The following OCIAD1 variants were observed in gnomAD, a reference collection of about 807,000 sequenced individuals.
OCIAD1 encodes the protein OCIA domain containing 1.
Under a neutral mutation model 38.9 loss-of-function variants are expected in OCIAD1, and 29 were observed. The ratio of observed to expected loss-of-function variants is 0.74; its 90% CI spans 0.55 to 1.02. The LOEUF (loss-of-function observed/expected upper bound fraction) is 1.02, where lower values mean the gene tolerates loss of function less well. Among genes scored for constraint, OCIAD1 ranks in the 50% least tolerant of loss-of-function variants. The pLI, the probability that OCIAD1 is intolerant of heterozygous loss-of-function variation, is 0.00. For synonymous variants in OCIAD1, 110 were observed against 92.0 expected (o/e 1.20, Z -1.12); for missense variants, 288 against 289.6 (o/e 0.99, Z 0.04).
chr4:48,845,330 CA>C (rs1183385738), intron 4 of OCIAD1, among the ~76,000 whole-genome samples: 1 of 152,162 alleles, frequency 6.6e-6, no homozygotes, highest in East Asian at 1.9e-4. Context: ...AGTTCAAAAA[CA>C]AACTTTTCAA....
upstream of OCIAD1, among the ~76,000 whole-genome samples, chr4:48,829,419 T>C (rs1031505648): frequency 2.0e-5 from 3 of 152,238 alleles, no homozygotes; most frequent in Non-Finnish European, 4.4e-5. Context: ...TTAAGAAATA[T>C]TTGTTGGCTT....
At chr4:48,814,324 C>CA (rs781040679) in intron 1 of OCIAD1, among the ~76,000 whole-genome samples, 1 of 129,958 alleles carries the variant, frequency 7.7e-6, no homozygotes, top group Non-Finnish European at 1.7e-5. Flanking sequence ...TTCAGAAAGC[C>CA]TTTTTTTTTT....
At chr4:48,855,620 C>A (rs536772753) in intron 7 of OCIAD1, among the ~76,000 whole-genome samples, 1 of 152,042 alleles carries the variant, frequency 6.6e-6, no homozygotes, top group Non-Finnish European at 1.5e-5. Context: ...AGTTCAAGAC[C>A]AGCCTGACCA....
rs1002913310 is a variant in OCIAD1, at chr4:48,857,790, G to A, written c.700+425G>A. 3.3e-5 allele frequency among the ~76,000 whole-genome samples: 5 copies of A among 152,288 alleles called. No homozygotes were observed. The South Asian group carries it at 8.3e-4, about 25-fold the overall frequency. On this transcript the variant is annotated intron_variant, in intron 8 of 8. Transcript: ENST00000264312. ...AGTCTCTGAGAGTGCTAGGATTACA[G>A]GCTTGAGCCACCGTGTCCGGCCAGT...
chr4:48,825,675 G>A (rs1245889255), intron 1 of OCIAD1, among the ~76,000 whole-genome samples: 6 of 152,078 alleles, frequency 3.9e-5, no homozygotes, highest in Non-Finnish European at 8.8e-5. Flanking sequence ...ATAGCTTGTG[G>A]CATACCTATA....
chr4:48,806,521 A>C (rs1777026387), intron 1 of OCIAD1, among the ~76,000 whole-genome samples: 1 of 152,210 alleles, frequency 6.6e-6, no homozygotes, highest in Non-Finnish European at 1.5e-5. Context: ...AAATTAGACC[A>C]CAGATACACA....
chr4:48,831,126 C>T lies in OCIAD1; in HGVS notation c.-129C>T, dbSNP rs1777441152. Reference sequence around the variant, plus strand: ...GATGACTTCTTGCGGCTGTTCTACCCCTCCCCCTCCCCGCGGTACCTTGCA... The same window carrying T: ...GATGACTTCTTGCGGCTGTTCTACCTCTCCCCCTCCCCGCGGTACCTTGCA... On this transcript the variant is annotated 5_prime_UTR_variant, in exon 1 of 9. Coordinates refer to ENST00000264312, the MANE Select transcript of OCIAD1 (RefSeq NM_017830.4). 1 of 284,596 alleles carries T rather than the reference C, an allele frequency of 3.5e-6. No individual in the cohort carries two copies. Among genetic ancestry groups the T allele is most frequent in the East Asian group, 9.0e-5 (1 of 11,090 alleles). The allele number at this position is 284,596 out of a possible 1,614,324, so 17.6% of individuals were successfully genotyped here.
chr4:48,819,646 A>C (rs1260288092), intron 1 of OCIAD1, among the ~76,000 whole-genome samples: 1 of 148,944 alleles, frequency 6.7e-6, no homozygotes, highest in African/African-American at 2.5e-5. Flanking sequence ...GCTATATTGA[A>C]GAGACCCATC....
chr4:48,809,791 T>C (rs1777067204), intron 1 of OCIAD1, among the ~76,000 whole-genome samples: 1 of 152,206 alleles, frequency 6.6e-6, no homozygotes, highest in South Asian at 2.1e-4. Context: ...TTGTGGTCCC[T>C]CAAAATCACC....
At chr4:48,808,162 G>A (rs7654032) in intron 1 of OCIAD1, among the ~76,000 whole-genome samples, 74,174 of 151,962 alleles carry the variant, frequency 0.49, 18,579 homozygotes, top group South Asian at 0.58. Context: ...TGTTGCAAAT[G>A]TGATGATATT....
Position 48,819,314 on chromosome 4 carries a change from G to A in OCIAD1, c.-102-11263G>A, listed in dbSNP as rs79596308. The stretch of plus-strand genomic sequence containing the variant: ...GCCAAACTAAGCTTCATAAGAAAAG[G>A]AGTAACAAAATCCTATACAGACAAG... On this transcript the variant is annotated intron_variant, in intron 1 of 6. Transcript: ENST00000504654. Among the ~76,000 whole-genome samples the A allele has an allele frequency of 6.6e-3, 997 of 152,146 alleles. 13 individuals are homozygous for A. Among genetic ancestry groups the A allele is most frequent in the African/African-American group, 0.023 (958 of 41,508 alleles).
chr4:48,813,266 G>A (rs546055500), intron 1 of OCIAD1, among the ~76,000 whole-genome samples: 1 of 152,166 alleles, frequency 6.6e-6, no homozygotes, highest in Non-Finnish European at 1.5e-5. Flanking sequence ...ATGGTGTGGG[G>A]GTTCCCTTTA....
At chr4:48,822,700 AC>A (rs1777206050) in intron 1 of OCIAD1, among the ~76,000 whole-genome samples, 1 of 152,182 alleles carries the variant, frequency 6.6e-6, no homozygotes, top group African/African-American at 2.4e-5. Flanking sequence ...ACAAGAAAAA[AC>A]AATCAACCCC....
chr4:48,827,817 G>C (rs1408653286), upstream of OCIAD1, among the ~76,000 whole-genome samples: 5 of 152,364 alleles, frequency 3.3e-5, no homozygotes, highest in South Asian at 1.0e-3. Flanking sequence ...CCCGGCATGG[G>C]ATCCACTAGG....
chr4:48,837,642 C>CTTTTTTTTTTTT (rs576203754), intron 3 of OCIAD1, among the ~76,000 whole-genome samples: 1 of 97,668 alleles, frequency 1.0e-5, no homozygotes, highest in Non-Finnish European at 2.3e-5. Context: ...AGCAACAGTT[C>CTTTTTTTTTTTT]TTTTTTTTTT....
intron 2 of OCIAD1, among the ~76,000 whole-genome samples, chr4:48,832,918 A>G (rs1169082264): frequency 6.6e-6 from 1 of 152,108 alleles, no homozygotes; most frequent in Non-Finnish European, 1.5e-5. Context: ...TGACTAGCAG[A>G]TAGTAGCATT....
intron 5 of OCIAD1, among the ~76,000 whole-genome samples, chr4:48,849,543 G>A (rs1299403483): frequency 2.0e-5 from 3 of 152,078 alleles, no homozygotes; most frequent in Non-Finnish European, 2.9e-5. Flanking sequence ...TGTTTTATAG[G>A]AAAATAATGG....
At chr4:48,842,572 T>C in intron 3 of OCIAD1, 64 bp from the exon 4 acceptor site, 1 of 1,008,156 alleles carries the variant, frequency 9.9e-7, no homozygotes, top group East Asian at 2.4e-5. Flanking sequence ...TTCATTTATC[T>C]AATGAACTTT....
intron 1 of OCIAD1, among the ~76,000 whole-genome samples, chr4:48,812,822 T>C (rs1395551104): frequency 6.6e-6 from 1 of 152,230 alleles, no homozygotes; most frequent in Non-Finnish European, 1.5e-5. Context: ...TTTTTCTTGC[T>C]GTTAAAGCTG....
Sources: allele counts gnomAD v4.1 joint callset (sites outside exome capture counted in the v4.1 genomes callset), GRCh38; gene constraint gnomAD v4.1.1; transcripts MANE v1.5; gene names NCBI Gene and HGNC (gene_info 2026-07-23, HGNC 2026-07-21).